FOXP2: variants seen among roughly 807,000 people sequenced by gnomAD.
The protein encoded by FOXP2 is forkhead box protein P2.
A neutral mutation model predicts 115.8 loss-of-function variants in FOXP2; 12 were observed. The observed-to-expected ratio is 0.10, with a 90% CI of 0.07 to 0.17. The LOEUF is 0.17. Ranked by LOEUF, FOXP2 falls within the 10% of genes least tolerant of loss-of-function variation. FOXP2 has a pLI of 1.00. For missense variants in FOXP2, 629 were observed against 843.5 expected, an observed-to-expected ratio of 0.75 and a Z score of 3.15; for synonymous variants, 328 against 297.7, an observed-to-expected ratio of 1.10 and a Z score of -1.05.
In FOXP2 at chr7:114,519,681, T is replaced by C. The variant is rs146437368; in HGVS notation, c.169-14936T>C. Among the ~76,000 whole-genome samples the C allele has an allele frequency of 8.4e-3, 1,277 of 152,238 alleles. 12 individuals are homozygous for C. The highest frequency in any genetic ancestry group is 0.013 in the Non-Finnish European group (909 of 68,010). ...CATGAGAAACTATGCAGTTCTTAAA[T>C]AGGTCATTCTGCAATCATAAGAAGC... On this transcript the variant is annotated intron_variant, in intron 2 of 16. Transcript: ENST00000350908.
At chr7:114,631,851 C>A in intron 6 of FOXP2, 146 bp downstream of exon 6, 2 of 825,640 alleles carry the variant, frequency 2.4e-6, no homozygotes, top group South Asian at 1.6e-5. Context: ...GGTGGCATGA[C>A]CTATTTTCTA....
chr7:114,365,394 G>A (rs879540216), intron 2 of FOXP2, among the ~76,000 whole-genome samples: 1 of 152,036 alleles, frequency 6.6e-6, no homozygotes, highest in Non-Finnish European at 1.5e-5. Context: ...ATTCCTGTTA[G>A]ACTCAAAATG....
At chr7:114,656,068 C>A (rs185240593) in intron 10 of FOXP2, among the ~76,000 whole-genome samples, 14 of 152,074 alleles carry the variant, frequency 9.2e-5, no homozygotes, top group Non-Finnish European at 1.8e-4. Context: ...ACATGGTATG[C>A]TTATTATTAC....
At chr7:114,168,774 C>T (rs1793054047) in intron 1 of FOXP2, among the ~76,000 whole-genome samples, 1 of 152,152 alleles carries the variant, frequency 6.6e-6, no homozygotes, top group Non-Finnish European at 1.5e-5. Context: ...TCCCCTCCCC[C>T]TAGGCCAGGA....
At chr7:114,138,768 C>T (rs112257331) in intron 1 of FOXP2, among the ~76,000 whole-genome samples, 3 of 152,164 alleles carry the variant, frequency 2.0e-5, no homozygotes, top group African/African-American at 7.2e-5. Flanking sequence ...GACCAGTACT[C>T]CTCAAAACTG....
intron 2 of FOXP2, among the ~76,000 whole-genome samples, chr7:114,327,992 C>T (rs2129182391): frequency 6.6e-6 from 1 of 151,838 alleles, no homozygotes; most frequent in African/African-American, 2.4e-5. Context: ...ACTATCATGG[C>T]TCACTGCAGC....
At chr7:114,578,430 A>G (rs1801680811) in intron 3 of FOXP2, among the ~76,000 whole-genome samples, 1 of 151,964 alleles carries the variant, frequency 6.6e-6, no homozygotes, top group Admixed American at 6.6e-5. Flanking sequence ...CAACTCCTTT[A>G]TTTTACAATT....
intron 16 of FOXP2, among the ~76,000 whole-genome samples, chr7:114,686,681 C>A (rs1808381952): frequency 6.6e-6 from 1 of 151,864 alleles, no homozygotes; most frequent in African/African-American, 2.4e-5. Flanking sequence ...TCTTTGTTTG[C>A]TTTTGCTTAA....
At position 114,339,605 on chromosome 7, in the gene FOXP2, C is replaced by T. The variant is rs533481349; in HGVS notation, c.-11+51496C>T. Reference sequence around the variant, plus strand: ...CAGCTGGGTGTGGTGTTAGTAACACCCTTATGAGATAATCAACCTGAGAGA... The same window carrying T: ...CAGCTGGGTGTGGTGTTAGTAACACTCTTATGAGATAATCAACCTGAGAGA... On this transcript the variant is annotated intron_variant, in intron 2 of 17. Transcript: ENST00000634411. Among the ~76,000 whole-genome samples, 261 of 150,998 alleles carry T rather than the reference C, an allele frequency of 1.7e-3. 1 individual carries two copies. The highest frequency in any genetic ancestry group is 5.9e-3 in the African/African-American group (246 of 41,410).
intron 3 of FOXP2, among the ~76,000 whole-genome samples, chr7:114,557,811 A>G (rs1439209956): frequency 2.0e-5 from 3 of 151,374 alleles, no homozygotes; most frequent in Middle Eastern, 3.4e-3. Context: ...TTATTTATTT[A>G]TTTATTTATT....
intron 2 of FOXP2, among the ~76,000 whole-genome samples, chr7:114,338,728 C>T (rs924613611): frequency 7.6e-5 from 11 of 144,784 alleles, no homozygotes; most frequent in Admixed American, 1.4e-4. Context: ...AATACAAAAA[C>T]TGAGTTCTTG....
At chr7:114,429,971 G>A (rs1794031348) in intron 2 of FOXP2, among the ~76,000 whole-genome samples, 1 of 151,558 alleles carries the variant, frequency 6.6e-6, no homozygotes, top group Non-Finnish European at 1.5e-5. Flanking sequence ...TCAAGGAAGT[G>A]CAAAATCTTT....
intron 2 of FOXP2, among the ~76,000 whole-genome samples, chr7:114,384,373 G>A (rs1479433436): frequency 6.6e-6 from 1 of 152,184 alleles, no homozygotes; most frequent in Non-Finnish European, 1.5e-5. Context: ...TTTTGAGTCA[G>A]GATTGAGATA....
chr7:114,466,002 C>T lies in FOXP2; in HGVS notation c.168+39323C>T, dbSNP rs562001431. 4.6e-5 allele frequency among the ~76,000 whole-genome samples: 7 copies of T among 152,240 alleles called. 1 individual carries two copies. The South Asian group carries it at 1.2e-3, about 27-fold the overall frequency. On this transcript the variant is annotated intron_variant, in intron 2 of 16. Transcript: ENST00000350908. Reference sequence around the variant, plus strand: ...ACCCACGAAGCATTAGCTTTAGACTCCCTCATTATACCCAAATCATATTTA... The same window carrying T: ...ACCCACGAAGCATTAGCTTTAGACTTCCTCATTATACCCAAATCATATTTA...
chr7:114,368,132 G>A (rs1385156418), intron 2 of FOXP2, among the ~76,000 whole-genome samples: 1 of 151,994 alleles, frequency 6.6e-6, no homozygotes, highest in African/African-American at 2.4e-5. Flanking sequence ...TAGTTGCAAT[G>A]GTACCCTCAC....
rs1335381387 is a variant in FOXP2 at position 114,398,345 on chromosome 7, GA to G, written c.-10-28155del. Among the ~76,000 whole-genome samples, 4 of 151,982 alleles carry G rather than the reference GA, an allele frequency of 2.6e-5. No individual in the cohort carries two copies. In the East Asian group the frequency reaches 7.7e-4, roughly 29 times the overall value. ...TTCTTAAATAGACAATAAATGAAAG[GA>G]ATCACAAAGAGACATGGGATCAGAT... is the stretch of plus-strand genomic sequence containing the variant. On this transcript the variant is annotated intron_variant, in intron 2 of 17. Transcript: ENST00000634411.
At chr7:114,548,968 T>C (rs1800067683) in intron 3 of FOXP2, among the ~76,000 whole-genome samples, 1 of 152,240 alleles carries the variant, frequency 6.6e-6, no homozygotes, top group Non-Finnish European at 1.5e-5. Flanking sequence ...CTGGTATCAC[T>C]GGAACACTTC....
chr7:114,522,553 G>A (rs929386216), intron 2 of FOXP2, among the ~76,000 whole-genome samples: 2 of 152,056 alleles, frequency 1.3e-5, no homozygotes, highest in Non-Finnish European at 2.9e-5. Flanking sequence ...TCATATTGTA[G>A]ATAATTCAAT....
intron 3 of FOXP2, among the ~76,000 whole-genome samples, chr7:114,577,847 A>C (rs1377513862): frequency 6.6e-6 from 1 of 151,970 alleles, no homozygotes; most frequent in African/African-American, 2.4e-5. Flanking sequence ...TGAGAGTAAG[A>C]AACGTCATCA....
Sources: allele counts gnomAD v4.1 joint callset (sites outside exome capture counted in the v4.1 genomes callset), GRCh38; gene constraint gnomAD v4.1.1; transcripts MANE v1.5; gene names NCBI Gene and HGNC (gene_info 2026-07-23, HGNC 2026-07-21).